The following CSMD1 variants were observed in gnomAD, a reference collection of about 807,000 sequenced individuals.
The protein encoded by CSMD1 is CUB and sushi domain-containing protein 1.
A neutral mutation model predicts 417.5 loss-of-function variants in CSMD1; 213 were observed. The observed-to-expected ratio is 0.51, with a 90% CI of 0.46 to 0.57. CSMD1 has a LOEUF of 0.57. Among genes scored for constraint, CSMD1 ranks in the 20% least tolerant of loss-of-function variants. CSMD1 has a pLI of 0.00. For synonymous variants in CSMD1, 2,862 were observed against 1,736.8 expected, an observed-to-expected ratio of 1.65 and a Z score of -16.11; for missense variants, 6,923 against 4,529.7, an observed-to-expected ratio of 1.53 and a Z score of -15.17.
At chr8:4,929,661 T>C (rs991004828) in intron 1 of CSMD1, among the ~76,000 whole-genome samples, 4 of 152,222 alleles carry the variant, frequency 2.6e-5, no homozygotes, top group African/African-American at 9.6e-5. Context: ...CACATCATTC[T>C]ACACATCTCC....
rs940901008 is a variant in CSMD1 at position 4,842,018 on chromosome 8, A to G, written c.85+152314T>C. 3.3e-5 allele frequency among the ~76,000 whole-genome samples: 5 copies of G among 151,582 alleles called. No homozygotes were observed. The South Asian group carries it at 1.0e-3, about 32-fold the overall frequency. On this transcript the variant is annotated intron_variant, in intron 1 of 69. Transcript: ENST00000635120. ...GATAGGGAAACCCTAGAAAAAAGCA[A>G]TTTTTCAAGGGAGCTGAGAGAGATG...
chr8:3,952,065 T>G lies in CSMD1; in HGVS notation c.818+45838A>C, dbSNP rs112264828. 9.1e-3 allele frequency among the ~76,000 whole-genome samples: 1,381 copies of G among 152,286 alleles called. 17 individuals are homozygous for G. Among genetic ancestry groups the G allele is most frequent in the African/African-American group, 0.028 (1,182 of 41,558 alleles). On this transcript the variant is annotated intron_variant, in intron 5 of 69. Coordinates refer to ENST00000635120, the MANE Select transcript of CSMD1 (RefSeq NM_033225.6). ...CTAGGTAAATAATTGTAAAATTCATTAGTTGTTTGAATAAAAATAAAAATC... is the reference window on the plus strand; with the variant it reads ...CTAGGTAAATAATTGTAAAATTCATGAGTTGTTTGAATAAAAATAAAAATC...
chr8:3,520,325 G>C (rs910535039), intron 10 of CSMD1, among the ~76,000 whole-genome samples: 2 of 152,018 alleles, frequency 1.3e-5, no homozygotes, highest in Non-Finnish European at 2.9e-5. Context: ...TTTGATATCA[G>C]TGACATAAAC....
intron 6 of CSMD1, among the ~76,000 whole-genome samples, chr8:3,713,775 G>C (rs1283490795): frequency 6.6e-6 from 1 of 152,160 alleles, no homozygotes; most frequent in Admixed American, 6.6e-5. Context: ...AATCACAGAG[G>C]AAATTGTTTT....
chr8:3,781,998 A>T (rs1799211331), intron 5 of CSMD1, among the ~76,000 whole-genome samples: 1 of 151,510 alleles, frequency 6.6e-6, no homozygotes, highest in African/African-American at 2.4e-5. Context: ...ACTGAAAGAC[A>T]TTTTGATTTT....
chr8:4,975,137 C>G (rs914553625), intron 1 of CSMD1, among the ~76,000 whole-genome samples: 1 of 152,074 alleles, frequency 6.6e-6, no homozygotes. Context: ...TCAATGTGAC[C>G]TAGTGGTTCC....
chr8:3,655,558 G>C (rs1354383236), intron 7 of CSMD1, among the ~76,000 whole-genome samples: 4 of 152,038 alleles, frequency 2.6e-5, no homozygotes, highest in Non-Finnish European at 5.9e-5. Context: ...ACTGTGTAAG[G>C]TACCAAGAGA....
chr8:4,001,760 G>C (rs1347490222), intron 4 of CSMD1, among the ~76,000 whole-genome samples: 1 of 152,148 alleles, frequency 6.6e-6, no homozygotes, highest in African/African-American at 2.4e-5. Context: ...ATCCAGGTAA[G>C]ACCAGAGCAC....
chr8:3,356,595 A>C (rs1275278790), intron 21 of CSMD1, among the ~76,000 whole-genome samples: 1 of 152,216 alleles, frequency 6.6e-6, no homozygotes, highest in Non-Finnish European at 1.5e-5. Flanking sequence ...GAATTGCTTG[A>C]ACCTGGGAGG....
intron 2 of CSMD1, among the ~76,000 whole-genome samples, chr8:4,468,183 C>G (rs905520470): frequency 5.9e-5 from 9 of 152,126 alleles, no homozygotes; most frequent in Admixed American, 6.5e-5. Flanking sequence ...GCACTTGTCA[C>G]GCTGTGTAAG....
chr8:3,961,140 C>T (rs1812296064), intron 5 of CSMD1, among the ~76,000 whole-genome samples: 1 of 152,126 alleles, frequency 6.6e-6, no homozygotes, highest in Admixed American at 6.5e-5. Flanking sequence ...TCTTCTTGCC[C>T]ATAATAGTCT....
chr8:4,417,954 C>G (rs1465479579), intron 3 of CSMD1, among the ~76,000 whole-genome samples: 4 of 151,992 alleles, frequency 2.6e-5, no homozygotes, highest in South Asian at 4.1e-4. Flanking sequence ...CTCTCTTCTA[C>G]TCTAGATTAT....
At chr8:3,177,521 G>C (rs1821015347) in intron 37 of CSMD1, among the ~76,000 whole-genome samples, 1 of 152,160 alleles carries the variant, frequency 6.6e-6, no homozygotes. Context: ...CTCTATAAAA[G>C]GTGTGTTTCA....
intron 27 of CSMD1, among the ~76,000 whole-genome samples, chr8:3,225,715 T>A (rs1798465058): frequency 6.6e-6 from 1 of 152,208 alleles, no homozygotes; most frequent in Non-Finnish European, 1.5e-5. Context: ...TTCACACTGA[T>A]CCCAGGAGGC....
chr8:4,064,867 G>A (rs1429947398), intron 3 of CSMD1, among the ~76,000 whole-genome samples: 1 of 151,994 alleles, frequency 6.6e-6, no homozygotes, highest in Non-Finnish European at 1.5e-5. Flanking sequence ...TGTTTGTAAT[G>A]TGTGTATCTA....
At chr8:4,064,505 G>T (rs1207517868) in intron 3 of CSMD1, among the ~76,000 whole-genome samples, 1 of 152,176 alleles carries the variant, frequency 6.6e-6, no homozygotes, top group Non-Finnish European at 1.5e-5. Context: ...CAAATGTGAG[G>T]CAGGGATAAC....
intron 7 of CSMD1, among the ~76,000 whole-genome samples, chr8:3,701,259 A>G (rs1485066226): frequency 6.6e-6 from 1 of 152,168 alleles, no homozygotes; most frequent in Non-Finnish European, 1.5e-5. Context: ...GAATTGGATC[A>G]TCTCGGGACA....
rs1563308293 is a variant in CSMD1, at chr8:4,004,554, C to G, written c.611-6444G>C. 2.0e-5 allele frequency among the ~76,000 whole-genome samples: 3 copies of G among 151,848 alleles called. No homozygotes were observed. In the South Asian group the frequency reaches 6.2e-4, roughly 32 times the overall value. ...AAAATGAAGTAGTATTTTTAGCAACCTAATTTGGTATTATAAACAAAACAT... is the reference window on the plus strand; with the variant it reads ...AAAATGAAGTAGTATTTTTAGCAACGTAATTTGGTATTATAAACAAAACAT... On this transcript the variant is annotated intron_variant, in intron 4 of 69. Coordinates refer to ENST00000635120, the MANE Select transcript of CSMD1 (RefSeq NM_033225.6).
intron 3 of CSMD1, among the ~76,000 whole-genome samples, chr8:4,399,961 A>G (rs1397826922): frequency 6.6e-6 from 1 of 152,182 alleles, no homozygotes; most frequent in African/African-American, 2.4e-5. Context: ...CTCTGGACCA[A>G]TGTATTAGCA....
Sources: gnomAD v4.1 joint callset for allele counts (sites outside exome capture counted in the v4.1 genomes callset) on GRCh38, gnomAD v4.1.1 for gene constraint, MANE v1.5 for transcripts, NCBI Gene and HGNC (gene_info 2026-07-23, HGNC 2026-07-21) for gene names.